The following RRAS2 variants were observed in gnomAD, a reference collection of about 807,000 sequenced individuals.
RRAS2 encodes the protein ras-related protein R-Ras2.
Under a neutral mutation model 27.6 loss-of-function variants are expected in RRAS2, and 7 were observed. The ratio of observed to expected loss-of-function variants is 0.25; its 90% CI spans 0.14 to 0.48. RRAS2 has a LOEUF of 0.48. Among genes scored for constraint, RRAS2 ranks in the 20% least tolerant of loss-of-function variants. The pLI, the probability that RRAS2 is intolerant of heterozygous loss-of-function variation, is 0.99. For missense variants in RRAS2, 178 were observed against 256.2 expected (o/e 0.69, Z 2.08); for synonymous variants, 86 against 90.9 (o/e 0.95, Z 0.31).
At chr11:14,284,471 G>A (rs1849613652) in intron 4 of RRAS2, among the ~76,000 whole-genome samples, 1 of 152,162 alleles carries the variant, frequency 6.6e-6, no homozygotes, top group South Asian at 2.1e-4. Context: ...GCATTCTACT[G>A]TTGTTGGGTA....
At position 14,340,391 on chromosome 11, in the gene RRAS2, G is replaced by A. The variant is rs184937166; in HGVS notation, c.108+18372C>T. Among the ~76,000 whole-genome samples, 328 of 151,802 alleles carry A rather than the reference G, an allele frequency of 2.2e-3. 1 individual carries two copies. Among genetic ancestry groups the A allele is most frequent in the African/African-American group, 7.3e-3 (303 of 41,404 alleles). On this transcript the variant is annotated intron_variant, in intron 1 of 5. Coordinates refer to ENST00000256196, the MANE Select transcript of RRAS2 (RefSeq NM_012250.6). ...GCTGGAATTACAGGAGTGAGCCACC[G>A]CACTCAGCCAAAAAAAAGTATTCTG...
chr11:14,292,580 TA>T (rs201495193), intron 4 of RRAS2, among the ~76,000 whole-genome samples: 3 of 149,842 alleles, frequency 2.0e-5, no homozygotes, highest in Admixed American at 6.7e-5. Flanking sequence ...GAAATGGTCT[TA>T]AAAAAAAACA....
At chr11:14,288,981 T>C (rs1013236022) in intron 4 of RRAS2, among the ~76,000 whole-genome samples, 1 of 152,218 alleles carries the variant, frequency 6.6e-6, no homozygotes, top group Non-Finnish European at 1.5e-5. Flanking sequence ...CTGTTCTATA[T>C]GCTAACGATA....
intron 1 of RRAS2, among the ~76,000 whole-genome samples, chr11:14,321,403 T>C (rs12291662): frequency 0.3 from 45,353 of 152,042 alleles, 7,723 homozygotes; most frequent in South Asian, 0.43. Context: ...CTTAAAAGAA[T>C]GATCAAAAAT....
At chr11:14,318,503 A>AAAAC (rs1245685565) in intron 1 of RRAS2, among the ~76,000 whole-genome samples, 6 of 152,034 alleles carry the variant, frequency 3.9e-5, no homozygotes, top group African/African-American at 1.4e-4. Flanking sequence ...AATCTGTCTC[A>AAAAC]AAACAAACAA....
chr11:14,283,309 T>G (rs1554944589), intron 4 of RRAS2, among the ~76,000 whole-genome samples: 1 of 152,204 alleles, frequency 6.6e-6, no homozygotes, highest in African/African-American at 2.4e-5. Flanking sequence ...ATTGTTAAAT[T>G]CTATTTAATA....
At chr11:14,361,066 G>A (rs935357671), upstream of RRAS2, among the ~76,000 whole-genome samples, 9 of 151,986 alleles carry the variant, frequency 5.9e-5, no homozygotes, top group African/African-American at 2.2e-4. Flanking sequence ...GAGGCGGATT[G>A]CTCGCTTGAG....
chr11:14,281,752 T>C (rs782636096), intron 4 of RRAS2, 32 bp from the exon 5 acceptor site: 8 of 1,524,742 alleles, frequency 5.2e-6, no homozygotes, highest in Non-Finnish European at 7.2e-6. Context: ...TTATGGTACA[T>C]TATTAACAAC....
At chr11:14,322,047 C>T (rs569963349) in intron 1 of RRAS2, among the ~76,000 whole-genome samples, 1 of 152,136 alleles carries the variant, frequency 6.6e-6, no homozygotes, top group South Asian at 2.1e-4. Flanking sequence ...AAACAAAACA[C>T]CACCAATAAA....
At chr11:14,301,716 G>A (rs1847710350) in intron 1 of RRAS2, among the ~76,000 whole-genome samples, 1 of 152,090 alleles carries the variant, frequency 6.6e-6, no homozygotes, top group Non-Finnish European at 1.5e-5. Flanking sequence ...TGGTGGCTCA[G>A]GCCTATAATC....
At chr11:14,295,457 C>T (rs1591450021) in intron 2 of RRAS2, among the ~76,000 whole-genome samples, 1 of 152,112 alleles carries the variant, frequency 6.6e-6, no homozygotes, top group East Asian at 1.9e-4. Context: ...TTAACCTTTG[C>T]CAAAAGGTAG....
At chr11:14,335,180 T>C (rs1255972311) in intron 1 of RRAS2, among the ~76,000 whole-genome samples, 2 of 152,360 alleles carry the variant, frequency 1.3e-5, no homozygotes, top group South Asian at 2.1e-4. Context: ...TGTTCAGTCA[T>C]CTTGTTCCTT....
chr11:14,295,777 G>A lies in RRAS2; in HGVS notation c.187C>T (p.Arg63Trp), dbSNP rs782189872. The part of the protein sequence containing the change: ...KQCVIDDRAA[R>W]LDILDTAGQE... The stretch of plus-strand genomic sequence containing the variant: ...AAGGAAGTTTACTTACTATCTAGCC[G>A]GGCTGCTCTGTCATCTATCACACAC... Residue 63 changes from arginine to tryptophan, a missense_variant, in exon 2 of 6, where the codon CGG becomes TGG. Arg to Trp is a moderately radical substitution (Grantham distance 101, BLOSUM62 -3). Transcript: ENST00000256196. 3.1e-6 allele frequency: 5 copies of A among 1,607,416 alleles called. No individual in the cohort carries two copies. The highest frequency in any genetic ancestry group is 1.1e-5 in the South Asian group (1 of 89,730).
At chr11:14,363,834 G>C (rs1564989334), upstream of RRAS2, among the ~76,000 whole-genome samples, 2 of 152,062 alleles carry the variant, frequency 1.3e-5, no homozygotes, top group Non-Finnish European at 2.9e-5. Flanking sequence ...ACTTTGGGAG[G>C]CCGAGGCAGG....
intron 1 of RRAS2, among the ~76,000 whole-genome samples, chr11:14,321,593 G>T (rs1848224178): frequency 6.6e-6 from 1 of 152,140 alleles, no homozygotes; most frequent in South Asian, 2.1e-4. Flanking sequence ...TTCTAGCCAG[G>T]TTGGATGGAT....
At chr11:14,288,525 AC>A (rs782807660) in intron 4 of RRAS2, among the ~76,000 whole-genome samples, 81 of 152,250 alleles carry the variant, frequency 5.3e-4, no homozygotes, top group Non-Finnish European at 9.3e-4. Context: ...ACTGAAAGTT[AC>A]AAAAGTAAGT....
chr11:14,332,586 A>G (rs1554952066), intron 1 of RRAS2, among the ~76,000 whole-genome samples: 1 of 152,224 alleles, frequency 6.6e-6, no homozygotes, highest in East Asian at 1.9e-4. Flanking sequence ...ATGCCAAGCA[A>G]AAACATCCCA....
intron 1 of RRAS2, among the ~76,000 whole-genome samples, chr11:14,296,987 C>T (rs1554946744): frequency 6.6e-6 from 1 of 152,120 alleles, no homozygotes. Flanking sequence ...CATGATCATA[C>T]CACTCTGCAC....
chr11:14,309,599 T>C (rs1016431193), intron 1 of RRAS2, among the ~76,000 whole-genome samples: 1 of 152,158 alleles, frequency 6.6e-6, no homozygotes. Context: ...AATGTGACAC[T>C]GGAGAAGGGA....
Sources: allele counts gnomAD v4.1 joint callset (sites outside exome capture counted in the v4.1 genomes callset), GRCh38; gene constraint gnomAD v4.1.1; transcripts MANE v1.5; gene names NCBI Gene and HGNC (gene_info 2026-07-23, HGNC 2026-07-21).